GPC6: variants seen among roughly 807,000 people sequenced by gnomAD.
The protein encoded by GPC6 is glypican-6.
In GPC6, 14 loss-of-function variants were observed where a neutral mutation model predicts 55.2. That is an observed-to-expected ratio of 0.25 (90% CI 0.17 to 0.40). The LOEUF (loss-of-function observed/expected upper bound fraction) is 0.40. GPC6 is among the 10% of genes least tolerant of loss of function. The pLI is 1.00. For missense variants in GPC6, 641 were observed against 708.5 expected (o/e 0.90, Z 1.08); for synonymous variants, 278 against 259.6 (o/e 1.07, Z -0.68).
chr13:93,465,180 T>C (rs1313152991), intron 1 of GPC6, among the ~76,000 whole-genome samples: 1 of 152,228 alleles, frequency 6.6e-6, no homozygotes, highest in East Asian at 1.9e-4. Context: ...AAGGTACCTA[T>C]GATTTTTGAA....
At chr13:93,300,757 T>C (rs1224601691) in intron 1 of GPC6, among the ~76,000 whole-genome samples, 1 of 152,024 alleles carries the variant, frequency 6.6e-6, no homozygotes, top group Non-Finnish European at 1.5e-5. Flanking sequence ...TGGTGGCTCA[T>C]GCCTGTAATC....
chr13:94,301,539 A>G (rs953675957), intron 5 of GPC6, among the ~76,000 whole-genome samples: 5 of 152,246 alleles, frequency 3.3e-5, no homozygotes, highest in African/African-American at 1.2e-4. Flanking sequence ...GATAAAATTA[A>G]CTATCAGGTA....
rs145406574 is a variant in GPC6, at chr13:93,838,320, G to A, written c.711+7775G>A. 2.9e-3 allele frequency among the ~76,000 whole-genome samples: 440 copies of A among 152,236 alleles called. 4 individuals are homozygous for A. The highest frequency in any genetic ancestry group is 9.9e-3 in the African/African-American group (412 of 41,562). On this transcript the variant is annotated intron_variant, in intron 3 of 8. Transcript: ENST00000377047. ...GGAAATACATGTTTCCCTTTACCTTGGGAAACGGGAGCAGACATCTTAGAG... is the reference window on the plus strand; with the variant it reads ...GGAAATACATGTTTCCCTTTACCTTAGGAAACGGGAGCAGACATCTTAGAG...
In GPC6 at chr13:93,428,424, G is replaced by T. The variant is rs968444096; in HGVS notation, c.161-116839G>T. Among the ~76,000 whole-genome samples the T allele has an allele frequency of 6.6e-5, 10 of 152,208 alleles. 1 individual carries two copies. The highest frequency in any genetic ancestry group is 6.8e-3 in the Middle Eastern group (2 of 294). Reference sequence around the variant, plus strand: ...TGTTACAGTTTATCCAAAGAGCTCAGACATCAGCTTTTCTTTCCATTTCTC... The same window carrying T: ...TGTTACAGTTTATCCAAAGAGCTCATACATCAGCTTTTCTTTCCATTTCTC... On this transcript the variant is annotated intron_variant, in intron 1 of 8. Transcript: ENST00000377047.
chr13:94,182,129 C>T (rs1210916112), intron 4 of GPC6, among the ~76,000 whole-genome samples: 3 of 152,034 alleles, frequency 2.0e-5, no homozygotes, highest in Non-Finnish European at 4.4e-5. Context: ...CAAGGCAGGC[C>T]CTTAGGCCAA....
chr13:93,590,727 C>G (rs1465753348), intron 2 of GPC6, among the ~76,000 whole-genome samples: 1 of 152,094 alleles, frequency 6.6e-6, no homozygotes, highest in African/African-American at 2.4e-5. Flanking sequence ...ATAAAAGTTA[C>G]CAGGAAGCCT....
chr13:93,337,433 T>C (rs1880085293), intron 1 of GPC6, among the ~76,000 whole-genome samples: 2 of 152,146 alleles, frequency 1.3e-5, no homozygotes, highest in African/African-American at 4.8e-5. Context: ...TCTGACTGCT[T>C]TATATGTATC....
At chr13:93,576,116 G>A (rs1037087850) in intron 2 of GPC6, among the ~76,000 whole-genome samples, 1 of 152,000 alleles carries the variant, frequency 6.6e-6, no homozygotes, top group African/African-American at 2.4e-5. Context: ...AGAACAACAT[G>A]AATGCAATTG....
chr13:93,427,315 A>T (rs1877177082), intron 1 of GPC6, among the ~76,000 whole-genome samples: 1 of 151,840 alleles, frequency 6.6e-6, no homozygotes, highest in African/African-American at 2.4e-5. Context: ...CCAAAAGAAC[A>T]AAGCTGGAGG....
intron 3 of GPC6, among the ~76,000 whole-genome samples, chr13:93,967,152 C>A (rs2140390294): frequency 6.6e-6 from 1 of 152,222 alleles, no homozygotes; most frequent in East Asian, 1.9e-4. Flanking sequence ...TTCTCCATTT[C>A]ATTTACGCAA....
chr13:93,538,979 T>G (rs9524115), intron 1 of GPC6, among the ~76,000 whole-genome samples: 27,096 of 151,722 alleles, frequency 0.18, 2,808 homozygotes, highest in East Asian at 0.29. Flanking sequence ...TGCACATTGT[T>G]CAGGTTAGTT....
intron 3 of GPC6, among the ~76,000 whole-genome samples, chr13:93,989,504 C>T (rs1481556504): frequency 1.3e-5 from 2 of 152,166 alleles, no homozygotes; most frequent in East Asian, 3.9e-4. Flanking sequence ...CTAGCCTCAG[C>T]CATTCACAGT....
chr13:94,403,257 C>T lies in GPC6; in HGVS notation c.*40C>T, dbSNP rs1450959385. On this transcript the variant is annotated 3_prime_UTR_variant, in exon 9 of 9. Coordinates refer to ENST00000377047, the MANE Select transcript of GPC6 (RefSeq NM_005708.5). ...TCAGATGAAACTGCATTTTAGCTAT[C>T]TGAATGGCCAACTCACTTCTTTTCT... The T allele has an allele frequency of 7.4e-7, 1 of 1,359,206 alleles. No individual in the cohort carries two copies. The highest frequency in any genetic ancestry group is 2.3e-5 in the East Asian group (1 of 43,602). The allele number at this position is 1,359,206 out of a possible 1,614,324, so 84.2% of individuals were successfully genotyped here. A position where few individuals can be genotyped will look rare whatever the true frequency, so the allele number is the denominator to read the frequency against.
intron 1 of GPC6, among the ~76,000 whole-genome samples, chr13:93,401,155 C>CGT (rs5805802): frequency 0.11 from 15,996 of 143,228 alleles, 1,603 homozygotes; most frequent in East Asian, 0.6. Context: ...AGGTATTTGT[C>CGT]GTGTGTGTGT....
chr13:94,058,861 T>A (rs1379775378), intron 4 of GPC6, among the ~76,000 whole-genome samples: 5 of 152,186 alleles, frequency 3.3e-5, no homozygotes, highest in Non-Finnish European at 7.3e-5. Context: ...TAGGTTCCAA[T>A]AAGTTAGAAT....
At chr13:93,699,565 T>C (rs1365655057) in intron 2 of GPC6, among the ~76,000 whole-genome samples, 2 of 152,100 alleles carry the variant, frequency 1.3e-5, no homozygotes, top group Non-Finnish European at 2.9e-5. Flanking sequence ...ATAAATATTA[T>C]GAGATTATAT....
intron 5 of GPC6, among the ~76,000 whole-genome samples, chr13:94,302,034 C>G (rs1875677316): frequency 6.6e-6 from 1 of 152,230 alleles, no homozygotes; most frequent in Non-Finnish European, 1.5e-5. Flanking sequence ...AGAGCAAACT[C>G]AGAAAATTGA....
At chr13:94,182,263 G>A (rs186616919) in intron 4 of GPC6, among the ~76,000 whole-genome samples, 2 of 151,904 alleles carry the variant, frequency 1.3e-5, no homozygotes, top group East Asian at 3.9e-4. Context: ...ATCAGAAACT[G>A]ATTTGCAGAA....
In GPC6 at chr13:94,195,585, A is replaced by G. The variant is rs183494241; in HGVS notation, c.878-90764A>G. The stretch of plus-strand genomic sequence containing the variant: ...TCACAAATCCTCTGCTTCCTCATTC[A>G]TAAAACAGAGTTGCTAAAGTTTCTG... On this transcript the variant is annotated intron_variant, in intron 4 of 8. Transcript: ENST00000377047. Among the ~76,000 whole-genome samples, 403 of 152,338 alleles carry G rather than the reference A, an allele frequency of 2.6e-3. 1 individual carries two copies. The highest frequency in any genetic ancestry group is 9.1e-3 in the African/African-American group (378 of 41,582).
Sources: allele counts gnomAD v4.1 joint callset (sites outside exome capture counted in the v4.1 genomes callset), GRCh38; gene constraint gnomAD v4.1.1; transcripts MANE v1.5; gene names NCBI Gene and HGNC (gene_info 2026-07-23, HGNC 2026-07-21).